METTL25: variants seen among roughly 807,000 people sequenced by gnomAD.
The protein encoded by METTL25 is probable methyltransferase-like protein 25.
In METTL25, 64 loss-of-function variants were observed where a neutral mutation model predicts 71.6. The observed-to-expected ratio is 0.89, with a 90% CI of 0.73 to 1.10. The LOEUF (loss-of-function observed/expected upper bound fraction) is 1.10, where lower values mean the gene tolerates loss of function less well. Among genes scored for constraint, METTL25 ranks in the 50% least tolerant of loss-of-function variants. The probability of loss-of-function intolerance (pLI) is 0.00; values close to 1 mark genes in which losing one functional copy is unlikely to be tolerated. For synonymous variants in METTL25, 287 were observed against 250.3 expected, an observed-to-expected ratio of 1.15 and a Z score of -1.38; for missense variants, 807 against 707.0, an observed-to-expected ratio of 1.14 and a Z score of -1.60.
intron 5 of METTL25, among the ~76,000 whole-genome samples, chr12:82,416,202 C>T (rs926605244): frequency 1.3e-5 from 2 of 152,008 alleles, no homozygotes; most frequent in Non-Finnish European, 2.9e-5. Context: ...TTAAGTATCT[C>T]CTTTACAATT....
intron 1 of METTL25, among the ~76,000 whole-genome samples, chr12:82,361,866 A>G (rs1365262768): frequency 6.6e-6 from 1 of 152,186 alleles, no homozygotes; most frequent in Non-Finnish European, 1.5e-5. Context: ...AAGGGCTCCC[A>G]CAGTGCAGTG....
At chr12:82,402,671 GA>G (rs1886738211) in intron 4 of METTL25, among the ~76,000 whole-genome samples, 1 of 152,090 alleles carries the variant, frequency 6.6e-6, no homozygotes, top group Non-Finnish European at 1.5e-5. Context: ...AAAGTTGAAA[GA>G]TTTAATTTAA....
intron 6 of METTL25, 105 bp from the exon 7 acceptor site, chr12:82,434,590 A>G (rs1482715013): frequency 2.3e-6 from 2 of 885,442 alleles, no homozygotes; most frequent in East Asian, 5.2e-5. Flanking sequence ...ATTATCACAT[A>G]ATTAATCTTT....
chr12:82,434,845 T>C, intron 7 of METTL25, 121 bp downstream of exon 7: 1 of 830,850 alleles, frequency 1.2e-6, no homozygotes, highest in South Asian at 1.5e-5. Flanking sequence ...CAGATGCATA[T>C]TCAAATTTGT....
chr12:82,367,803 GC>G (rs1466787064), intron 1 of METTL25, among the ~76,000 whole-genome samples: 1 of 152,054 alleles, frequency 6.6e-6, no homozygotes, highest in Non-Finnish European at 1.5e-5. Context: ...CTGCTCTTCA[GC>G]TGGAACTTGG....
intron 1 of METTL25, among the ~76,000 whole-genome samples, chr12:82,381,574 C>A (rs949433383): frequency 2.0e-5 from 3 of 152,136 alleles, no homozygotes; most frequent in African/African-American, 4.8e-5. Flanking sequence ...CTTTTGAAAG[C>A]GATAGTATAT....
intron 1 of METTL25, among the ~76,000 whole-genome samples, chr12:82,380,435 G>GTATA (rs34774322): frequency 3.4e-4 from 1 of 2,960 alleles, no homozygotes; most frequent in African/African-American, 4.4e-4. Context: ...GTATGTGTAT[G>GTATA]TATATATATA....
intron 9 of METTL25, among the ~76,000 whole-genome samples, chr12:82,472,347 C>T (rs1275061483): frequency 6.6e-6 from 1 of 152,060 alleles, no homozygotes; most frequent in Non-Finnish European, 1.5e-5. Flanking sequence ...GCCTGTAATC[C>T]CAGCACTTTG....
chr12:82,450,939 C>T (rs1891100909), intron 8 of METTL25, among the ~76,000 whole-genome samples: 1 of 151,988 alleles, frequency 6.6e-6, no homozygotes, highest in African/African-American at 2.4e-5. Flanking sequence ...GCTTTCTCTC[C>T]TCTATCACCA....
chr12:82,409,200 C>T (rs1329356723), intron 5 of METTL25, among the ~76,000 whole-genome samples: 2 of 152,026 alleles, frequency 1.3e-5, no homozygotes, highest in African/African-American at 2.4e-5. Flanking sequence ...CTCTATGAGC[C>T]ATTGTGAATA....
At chr12:82,408,764 TCTA>T (rs1887314609) in intron 5 of METTL25, among the ~76,000 whole-genome samples, 2 of 152,190 alleles carry the variant, frequency 1.3e-5, no homozygotes, top group African/African-American at 2.4e-5. Flanking sequence ...AAAATACAAA[TCTA>T]CTGCTATATA....
Position 82,434,704 on chromosome 12 carries a change from C to T in METTL25, c.1384C>T (p.Arg462Trp), listed in dbSNP as rs779378824. The part of the protein sequence containing the change: ...ARMSACLALE[R>W]VAAGQGLPTE... Reference sequence around the variant, plus strand: ...TTTTTTTCCCTTTAAGGCATTGGAGCGGGTTGCAGCTGGCCAAGGGGTAAG... The same window carrying T: ...TTTTTTTCCCTTTAAGGCATTGGAGTGGGTTGCAGCTGGCCAAGGGGTAAG... Residue 462 changes from arginine to tryptophan, a missense_variant, in exon 7 of 12, where the codon CGG becomes TGG. Coordinates refer to ENST00000248306, the MANE Select transcript of METTL25 (RefSeq NM_032230.3). 1.2e-5 allele frequency: 20 copies of T among 1,608,932 alleles called. No individual in the cohort carries two copies. Among genetic ancestry groups the T allele is most frequent in the South Asian group, 2.2e-5 (2 of 90,942 alleles).
intron 5 of METTL25, among the ~76,000 whole-genome samples, chr12:82,409,081 T>C (rs2137051618): frequency 6.6e-6 from 1 of 152,254 alleles, no homozygotes; most frequent in Non-Finnish European, 1.5e-5. Context: ...TATGATGATA[T>C]TTACTATGTA....
chr12:82,415,642 C>T (rs111913830), intron 5 of METTL25, among the ~76,000 whole-genome samples: 2 of 152,048 alleles, frequency 1.3e-5, no homozygotes, highest in Non-Finnish European at 2.9e-5. Context: ...CAAGAGAAGA[C>T]GGATGTCTCA....
chr12:82,440,162 C>A (rs1477915231), intron 8 of METTL25, among the ~76,000 whole-genome samples: 1 of 151,896 alleles, frequency 6.6e-6, no homozygotes, highest in Non-Finnish European at 1.5e-5. Flanking sequence ...TTCACAGTTT[C>A]TTATTATTCT....
At chr12:82,395,567 G>C (rs187896785) in intron 3 of METTL25, among the ~76,000 whole-genome samples, 33 of 152,104 alleles carry the variant, frequency 2.2e-4, no homozygotes, top group Non-Finnish European at 3.1e-4. Flanking sequence ...CATTAGCTTG[G>C]AATGGTAGTT....
chr12:82,448,415 C>T (rs1406471579), intron 8 of METTL25, among the ~76,000 whole-genome samples: 2 of 151,788 alleles, frequency 1.3e-5, no homozygotes, highest in Admixed American at 1.3e-4. Flanking sequence ...ACAATTAGTA[C>T]TTATCTATAA....
At chr12:82,412,281 T>G (rs749245852) in intron 5 of METTL25, among the ~76,000 whole-genome samples, 2 of 152,126 alleles carry the variant, frequency 1.3e-5, no homozygotes, top group Non-Finnish European at 2.9e-5. Flanking sequence ...TTCAGTTCCT[T>G]TCTTTCAAAT....
At chr12:82,477,189 A>G (rs1225444666) in intron 10 of METTL25, 92 bp from the exon 11 acceptor site, 2 of 592,230 alleles carry the variant, frequency 3.4e-6, no homozygotes, top group Non-Finnish European at 5.9e-6. Context: ...AAACTTCTGT[A>G]GATACATTTA....
Sources: gnomAD v4.1 joint callset for allele counts (sites outside exome capture counted in the v4.1 genomes callset) on GRCh38, gnomAD v4.1.1 for gene constraint, MANE v1.5 for transcripts, NCBI Gene and HGNC (gene_info 2026-07-23, HGNC 2026-07-21) for gene names.